Variants in KIF26B observed in about 807,000 individuals in gnomAD.
The protein encoded by KIF26B is kinesin family member 26B, also known as kinesin-like protein KIF26B.
In KIF26B, 63 loss-of-function variants were observed where a neutral mutation model predicts 151.2. The ratio of observed to expected loss-of-function variants is 0.42; its 90% CI spans 0.34 to 0.51. The LOEUF (loss-of-function observed/expected upper bound fraction) is 0.51. Among genes scored for constraint, KIF26B ranks in the 20% least tolerant of loss-of-function variants. KIF26B has a pLI of 0.07. For missense variants in KIF26B, 2,813 were observed against 2,913.6 expected, an observed-to-expected ratio of 0.97 and a Z score of 0.79; for synonymous variants, 1,357 against 1,262.1, an observed-to-expected ratio of 1.08 and a Z score of -1.59.
chr1:245,282,149 C>T (rs1416389842), intron 2 of KIF26B, among the ~76,000 whole-genome samples: 1 of 151,914 alleles, frequency 6.6e-6, no homozygotes, highest in African/African-American at 2.4e-5. Context: ...GAATCAATAT[C>T]GTGAAAATGG....
At chr1:245,263,268 T>G (rs1670680619) in intron 2 of KIF26B, among the ~76,000 whole-genome samples, 1 of 152,204 alleles carries the variant, frequency 6.6e-6, no homozygotes, top group Admixed American at 6.5e-5. Context: ...AATCTTGTGT[T>G]TCTTTACGCA....
At position 245,167,076 on chromosome 1, in the gene KIF26B, A is replaced by C. The variant is rs1668627606; in HGVS notation, c.465+10393A>C. On this transcript the variant is annotated intron_variant, in intron 2 of 14. Coordinates refer to ENST00000407071, the MANE Select transcript of KIF26B (RefSeq NM_018012.4). The surrounding 1 kb of genome is among the most constrained non-coding windows in gnomAD (Gnocchi z 4.2). ...TTTCTACTTATTGGAGTTTACGTTC[A>C]ATACTGTTGCCAACCACAAAAAGTT... is the stretch of plus-strand genomic sequence containing the variant. Among the ~76,000 whole-genome samples, 1 of 152,212 alleles carries C rather than the reference A, an allele frequency of 6.6e-6. No individual in the cohort carries two copies. Among genetic ancestry groups the C allele is most frequent in the Non-Finnish European group, 1.5e-5 (1 of 68,034 alleles).
chr1:245,692,625 C>G lies in KIF26B; in HGVS notation c.5824+3818C>G, dbSNP rs556046412. On this transcript the variant is annotated intron_variant, in intron 12 of 14. Transcript: ENST00000407071. ...AGCAAACGCAAGCCACAGTCACACC[C>G]GGAACAAACACAAGCCACAGTCACA... Among the ~76,000 whole-genome samples, 30 of 152,108 alleles carry G rather than the reference C, an allele frequency of 2.0e-4. No homozygotes were observed. In the South Asian group the frequency reaches 6.3e-3, roughly 32 times the overall value.
At chr1:245,238,717 C>T (rs970790767) in intron 2 of KIF26B, among the ~76,000 whole-genome samples, 1 of 151,974 alleles carries the variant, frequency 6.6e-6, no homozygotes, top group Non-Finnish European at 1.5e-5. Flanking sequence ...AAAAATTTAG[C>T]TGGGTGTAGT....
intron 10 of KIF26B, among the ~76,000 whole-genome samples, chr1:245,655,945 A>C (rs1459777420): frequency 6.6e-6 from 1 of 152,250 alleles, no homozygotes; most frequent in Non-Finnish European, 1.5e-5. Context: ...TGTTCTGATC[A>C]GCAAGGTAGA....
intron 2 of KIF26B, among the ~76,000 whole-genome samples, chr1:245,364,548 AT>A (rs1254240191): frequency 6.7e-6 from 1 of 149,694 alleles, no homozygotes; most frequent in Non-Finnish European, 1.5e-5. Context: ...AGCCTGCTGA[AT>A]TGCTGGGACT....
chr1:245,643,573 A>AT (rs1432744524), intron 9 of KIF26B, among the ~76,000 whole-genome samples: 4 of 152,114 alleles, frequency 2.6e-5, no homozygotes, highest in Non-Finnish European at 5.9e-5. Flanking sequence ...TTACATTATG[A>AT]TTTTTGTTTT....
intron 2 of KIF26B, among the ~76,000 whole-genome samples, chr1:245,212,026 T>A (rs1487005786): frequency 6.6e-6 from 1 of 151,548 alleles, no homozygotes. Context: ...CGGTTTGGAG[T>A]CTTGAGGAAG....
At chr1:245,355,046 G>A (rs567936145) in intron 2 of KIF26B, among the ~76,000 whole-genome samples, 1 of 152,200 alleles carries the variant, frequency 6.6e-6, no homozygotes, top group Non-Finnish European at 1.5e-5. Flanking sequence ...TCAGCCTCCT[G>A]AGTGGCTGGG....
chr1:245,557,816 C>T (rs1662074851), intron 5 of KIF26B, among the ~76,000 whole-genome samples: 1 of 152,198 alleles, frequency 6.6e-6, no homozygotes, highest in Non-Finnish European at 1.5e-5. Flanking sequence ...AATCTCAGGG[C>T]ATGTCCCTCT....
intron 5 of KIF26B, among the ~76,000 whole-genome samples, chr1:245,585,359 A>C (rs528045279): frequency 8.6e-5 from 13 of 151,964 alleles, no homozygotes; most frequent in Admixed American, 7.8e-4. Flanking sequence ...TTGCCTTATA[A>C]AAGTTTACAA....
At position 245,156,356 on chromosome 1, in the gene KIF26B, G is replaced by A. The variant is rs2103514969; in HGVS notation, c.138G>A (p.Glu46=). ...AAAGCTGGTACCGGAAAGCATACGA[G>A]GAGTCGCGCGCCGGCAGCCGGCCCA... ...SPESWYRKAY[E]ESRAGSRPTP... Residue 46 remains glutamate (E), a synonymous_variant, in exon 2 of 15, where the codon GAG becomes GAA. Coordinates refer to ENST00000407071, the MANE Select transcript of KIF26B (RefSeq NM_018012.4). 1.3e-6 allele frequency: 2 copies of A among 1,545,756 alleles called. No homozygotes were observed. Among genetic ancestry groups the A allele is most frequent in the Non-Finnish European group, 1.7e-6 (2 of 1,145,222 alleles).
rs922782643 is a variant in KIF26B at position 245,218,994 on chromosome 1, C to T, written c.465+62311C>T. On this transcript the variant is annotated intron_variant, in intron 2 of 14. Coordinates refer to ENST00000407071, the MANE Select transcript of KIF26B (RefSeq NM_018012.4). The surrounding 1 kb of genome is among the most constrained non-coding windows in gnomAD (Gnocchi z 4.1). The stretch of plus-strand genomic sequence containing the variant: ...GTGTATGCCAGGAGGGAGCATCTGC[C>T]CCCATCTACTCTCTGGGAAGATGTC... Among the ~76,000 whole-genome samples, 3 of 152,006 alleles carry T rather than the reference C, an allele frequency of 2.0e-5. No individual in the cohort carries two copies. Among genetic ancestry groups the T allele is most frequent in the Non-Finnish European group, 4.4e-5 (3 of 68,020 alleles).
chr1:245,193,349 A>G (rs1187579906), intron 2 of KIF26B, among the ~76,000 whole-genome samples: 2 of 152,202 alleles, frequency 1.3e-5, no homozygotes, highest in Admixed American at 6.5e-5. Flanking sequence ...ATACGTGTGC[A>G]TATGCCTTTA....
At chr1:245,316,818 C>T (rs539926126) in intron 2 of KIF26B, among the ~76,000 whole-genome samples, 1 of 115,162 alleles carries the variant, frequency 8.7e-6, no homozygotes, top group South Asian at 2.5e-4. Flanking sequence ...GGGCTTTTGA[C>T]AAACCAGAAC....
chr1:245,430,541 C>T (rs1039655601), intron 4 of KIF26B, among the ~76,000 whole-genome samples: 1 of 152,056 alleles, frequency 6.6e-6, no homozygotes, highest in Non-Finnish European at 1.5e-5. Flanking sequence ...GTGGCACATA[C>T]CTGTAATCCT....
chr1:245,505,672 A>G (rs1189972339), intron 4 of KIF26B, among the ~76,000 whole-genome samples: 2 of 152,246 alleles, frequency 1.3e-5, no homozygotes, highest in African/African-American at 4.8e-5. Context: ...GGTATGAGCC[A>G]CTGCGGCTCA....
intron 10 of KIF26B, among the ~76,000 whole-genome samples, chr1:245,653,857 T>A: frequency 6.6e-6 from 1 of 151,900 alleles, no homozygotes; most frequent in Non-Finnish European, 1.5e-5. Flanking sequence ...CCCAGGAGTT[T>A]GAGACCAGTC....
chr1:245,651,532 G>T (rs958992344), intron 10 of KIF26B, among the ~76,000 whole-genome samples: 5 of 143,602 alleles, frequency 3.5e-5, no homozygotes, highest in African/African-American at 5.5e-5. Flanking sequence ...CAGTACTCAA[G>T]GTCTGGGAAG....
Sources: allele counts gnomAD v4.1 joint callset (sites outside exome capture counted in the v4.1 genomes callset), GRCh38; gene constraint gnomAD v4.1.1; non-coding constraint Gnocchi (gnomAD v3.1); transcripts MANE v1.5; gene names NCBI Gene and HGNC (gene_info 2026-07-23, HGNC 2026-07-21).